Variants in ZNF487 observed in about 807,000 individuals in gnomAD.
ZNF487 encodes zinc finger protein 487, also known as KRAB domain only 1.
Under a neutral mutation model 3.0 loss-of-function variants are expected in ZNF487, and 4 were observed. That is an observed-to-expected ratio of 1.35 (90% CI 0.66 to 3.08). The LOEUF is 3.08. Ranked by LOEUF, ZNF487 falls within the 30% of genes most tolerant of loss-of-function variation. The pLI, the probability that ZNF487 is intolerant of heterozygous loss-of-function variation, is 0.01. For missense variants in ZNF487, 146 were observed against 98.7 expected (o/e 1.48, Z -2.03); for synonymous variants, 55 against 34.6 (o/e 1.59, Z -2.06).
chr10:43,463,117 C>A (rs550240827), intron 1 of ZNF487, among the ~76,000 whole-genome samples: 1 of 151,846 alleles, frequency 6.6e-6, no homozygotes, highest in South Asian at 2.1e-4. Flanking sequence ...GCCTGTAATC[C>A]CAGCTGCTCG....
intron 1 of ZNF487, chr10:43,454,515 A>G (rs1351413413): frequency 6.6e-6 from 1 of 152,202 alleles, no homozygotes; most frequent in Non-Finnish European, 1.5e-5. Flanking sequence ...TGATCTGCTG[A>G]TTTGTGCTAT....
chr10:43,522,940 T>G, the ZNF487 span, among the ~76,000 whole-genome samples: 1 of 152,170 alleles, frequency 6.6e-6, no homozygotes, highest in Non-Finnish European at 1.5e-5. Flanking sequence ...TTTCGATGAT[T>G]CCCCTTCATG....
rs1841371451 is a variant in ZNF487, at chr10:43,481,787, G to A, written c.489G>A (p.Gln163=). The A allele has an allele frequency of 1.4e-6, 1 of 710,248 alleles. No homozygotes were observed. The highest frequency in any genetic ancestry group is 2.6e-6 in the Non-Finnish European group (1 of 385,046). 44.0% of individuals were successfully genotyped at this position (710,248 alleles called of 1,614,324 possible). ...ATGGAAATGGGAAAGCCGTCTCTCA[G>A]AATGAGGACTTATTTAGGCATCAGT... ...EYDGNGKAVS[Q]NEDLFRHQYI... Residue 163 remains glutamine (Q), a synonymous_variant, in exon 4 of 4, where the codon CAG becomes CAA. Transcript: ENST00000437590.
At chr10:43,437,522 C>T (rs1400236829) in intron 1 of ZNF487, among the ~76,000 whole-genome samples, 1 of 152,074 alleles carries the variant, frequency 6.6e-6, no homozygotes, top group Non-Finnish European at 1.5e-5. Context: ...TTGGGAGAGT[C>T]CTGGACGAGT....
chr10:43,465,235 G>A (rs1428631370), intron 1 of ZNF487, among the ~76,000 whole-genome samples: 1 of 149,938 alleles, frequency 6.7e-6, no homozygotes, highest in Non-Finnish European at 1.5e-5. Context: ...TGGCTGGGTG[G>A]GGGGCTGATC....
the ZNF487 span, among the ~76,000 whole-genome samples, chr10:43,496,577 C>T: frequency 9.7e-4 from 147 of 152,294 alleles, 1 homozygote; most frequent in East Asian, 0.024. Flanking sequence ...AGATTGGTCC[C>T]TGTCCATTCA....
chr10:43,498,155 T>A, the ZNF487 span, among the ~76,000 whole-genome samples: 1 of 90,376 alleles, frequency 1.1e-5, no homozygotes, highest in Non-Finnish European at 2.0e-5. Context: ...TGAGATGGAG[T>A]CTCACTCTGT....
intron 1 of ZNF487, among the ~76,000 whole-genome samples, chr10:43,445,620 A>G (rs1347205593): frequency 6.7e-6 from 1 of 150,252 alleles, no homozygotes; most frequent in Non-Finnish European, 1.5e-5. Context: ...CCAATGGGCC[A>G]TGAATTATGA....
intron 1 of ZNF487, among the ~76,000 whole-genome samples, chr10:43,447,972 G>A (rs890729897): frequency 1.3e-5 from 2 of 150,076 alleles, no homozygotes; most frequent in Non-Finnish European, 2.9e-5. Context: ...TGATGTTCAG[G>A]GTCTTGGAAA....
chr10:43,450,160 C>T lies in ZNF487; in HGVS notation c.-94+12898C>T, dbSNP rs531494106. Among the ~76,000 whole-genome samples the T allele has an allele frequency of 3.9e-5, 6 of 152,292 alleles. No homozygotes were observed. In the South Asian group the frequency reaches 1.2e-3, roughly 32 times the overall value. ...TCGGGTTCAAGTGATTCTCCTGCAT[C>T]AGCCTCCCGAGTACCTGGGATTATT... On this transcript the variant is annotated intron_variant, in intron 1 of 3. Coordinates refer to ENST00000437590, the MANE Select transcript of ZNF487 (RefSeq NM_001355444.3).
At chr10:43,452,207 A>G (rs1409558109) in intron 1 of ZNF487, 1 of 152,174 alleles carries the variant, frequency 6.6e-6, no homozygotes. Flanking sequence ...GTCAGCTCTC[A>G]AGCCCCACCT....
At position 43,444,992 on chromosome 10, in the gene ZNF487, C is replaced by T. The variant is rs112199535; in HGVS notation, c.-94+7730C>T. 7.7e-3 allele frequency among the ~76,000 whole-genome samples: 1,171 copies of T among 152,216 alleles called. 14 individuals carry two copies. Among genetic ancestry groups the T allele is most frequent in the African/African-American group, 0.027 (1,109 of 41,530 alleles). On this transcript the variant is annotated intron_variant, in intron 1 of 3. Coordinates refer to ENST00000437590, the MANE Select transcript of ZNF487 (RefSeq NM_001355444.3). ...ATGTATATCTTAGGCTGCTTTAAAT[C>T]ATGACACAGCTCAGTGATGTTCTTT...
At chr10:43,516,496 T>C in the ZNF487 span, among the ~76,000 whole-genome samples, 1 of 152,132 alleles carries the variant, frequency 6.6e-6, no homozygotes, top group African/African-American at 2.4e-5. Context: ...TACACATATA[T>C]ATGTATAGAG....
chr10:43,501,760 A>G, the ZNF487 span, among the ~76,000 whole-genome samples: 60 of 145,536 alleles, frequency 4.1e-4, no homozygotes, highest in African/African-American at 1.5e-3. Flanking sequence ...ACAAAAACAA[A>G]AAAAACCCAC....
chr10:43,467,583 G>A (rs941980375), intron 1 of ZNF487, among the ~76,000 whole-genome samples: 3 of 152,144 alleles, frequency 2.0e-5, no homozygotes, highest in South Asian at 4.1e-4. Context: ...TTGGGAGGCC[G>A]AGGCTGGTGG....
the ZNF487 span, among the ~76,000 whole-genome samples, chr10:43,505,973 G>C: frequency 6.6e-6 from 1 of 152,246 alleles, no homozygotes; most frequent in Non-Finnish European, 1.5e-5. Flanking sequence ...ACATAGAAAA[G>C]AGGATTTCAG....
the ZNF487 span, among the ~76,000 whole-genome samples, chr10:43,491,851 T>C: frequency 6.6e-6 from 1 of 151,824 alleles, no homozygotes; most frequent in Non-Finnish European, 1.5e-5. Flanking sequence ...GACCAAGAAA[T>C]AAAATCAAGG....
the ZNF487 span, among the ~76,000 whole-genome samples, chr10:43,492,574 C>G: frequency 6.6e-6 from 1 of 151,938 alleles, no homozygotes; most frequent in Middle Eastern, 3.2e-3. Context: ...GCCTCAGCCT[C>G]CCAAGTAGCT....
At chr10:43,457,877 C>T (rs1413090286) in intron 1 of ZNF487, among the ~76,000 whole-genome samples, 2 of 151,930 alleles carry the variant, frequency 1.3e-5, no homozygotes, top group African/African-American at 4.8e-5. Context: ...AAAAAATTAG[C>T]TGGGTGTGGT....
Sources: allele counts gnomAD v4.1 joint callset (sites outside exome capture counted in the v4.1 genomes callset), GRCh38; gene constraint gnomAD v4.1.1; transcripts MANE v1.5; gene names NCBI Gene and HGNC (gene_info 2026-07-23, HGNC 2026-07-21).